SYT14: variants seen among roughly 807,000 people sequenced by gnomAD.
The protein encoded by SYT14 is synaptotagmin 14, also known as synaptotagmin-14.
In SYT14, 32 loss-of-function variants were observed where a neutral mutation model predicts 74.2. The observed-to-expected ratio is 0.43, with a 90% CI of 0.33 to 0.58. The LOEUF (loss-of-function observed/expected upper bound fraction) is 0.58, where lower values mean the gene tolerates loss of function less well. Among genes scored for constraint, SYT14 ranks in the 20% least tolerant of loss-of-function variants. The pLI, the probability that SYT14 is intolerant of heterozygous loss-of-function variation, is 0.05. For synonymous variants in SYT14, 298 were observed against 337.7 expected (o/e 0.88, Z 1.29); for missense variants, 791 against 981.8 (o/e 0.81, Z 2.60).
intron 2 of SYT14, among the ~76,000 whole-genome samples, chr1:209,997,949 T>G (rs2079827738): frequency 6.6e-6 from 1 of 152,180 alleles, no homozygotes; most frequent in African/African-American, 2.4e-5. Context: ...TCTTGAAGAT[T>G]TATAATGTTC....
At chr1:209,975,698 T>C (rs534630281) in intron 2 of SYT14, among the ~76,000 whole-genome samples, 1 of 152,346 alleles carries the variant, frequency 6.6e-6, no homozygotes, top group South Asian at 2.1e-4. Context: ...GGCTTTGGTA[T>C]CAGGATGATG....
intron 6 of SYT14, among the ~76,000 whole-genome samples, chr1:210,099,673 G>A (rs1336140113): frequency 6.6e-6 from 1 of 152,156 alleles, no homozygotes; most frequent in African/African-American, 2.4e-5. Context: ...AAAGTAAAAT[G>A]TAGTAGTTTT....
At chr1:209,970,118 C>T (rs1233509033) in intron 2 of SYT14, among the ~76,000 whole-genome samples, 1 of 152,042 alleles carries the variant, frequency 6.6e-6, no homozygotes, top group African/African-American at 2.4e-5. Context: ...CTTTGGGGGT[C>T]TCAGTCATGA....
At chr1:210,102,462 A>G (rs559753509) in intron 7 of SYT14, among the ~76,000 whole-genome samples, 4 of 151,956 alleles carry the variant, frequency 2.6e-5, no homozygotes, top group Non-Finnish European at 4.4e-5. Flanking sequence ...CTTCTGTGCT[A>G]TCAGTTGTTT....
exon 7 of SYT14, chr1:210,100,056 T>C: frequency 1.9e-6 from 3 of 1,614,130 alleles, no homozygotes; most frequent in Non-Finnish European, 2.5e-6. Context: ...CTAAACCTTT[T>C]GATCCTGAGC....
rs72649943 is a variant in SYT14, at chr1:210,052,385, T to C, written c.1312+31131T>C. The stretch of plus-strand genomic sequence containing the variant: ...ACAGGTCCCCGCCACTCTCCAGACC[T>C]GGCGCAGTGGTTCACGCCTGTAATC... On this transcript the variant is annotated intron_variant, in intron 5 of 9. Coordinates refer to ENST00000637265, the Ensembl canonical transcript of SYT14. 0.015 allele frequency among the ~76,000 whole-genome samples: 2,351 copies of C among 151,932 alleles called. 185 individuals carry two copies. In the East Asian group the frequency reaches 0.25, roughly 16 times the overall value.
At chr1:210,163,339 T>A (rs1474014661) in exon 10 of SYT14, 1 of 453,674 alleles carries the variant, frequency 2.2e-6, no homozygotes, top group Non-Finnish European at 4.4e-6. Flanking sequence ...AAGTATCAAA[T>A]CCTTCATGGC....
At chr1:210,076,808 G>C (rs1572258401) in intron 5 of SYT14, among the ~76,000 whole-genome samples, 1 of 152,152 alleles carries the variant, frequency 6.6e-6, no homozygotes, top group East Asian at 1.9e-4. Flanking sequence ...CACGAGAACA[G>C]CACCAAGGGG....
chr1:210,104,857 A>G (rs1425993566), intron 7 of SYT14, among the ~76,000 whole-genome samples: 1 of 152,208 alleles, frequency 6.6e-6, no homozygotes, highest in Non-Finnish European at 1.5e-5. Context: ...TTCTCAGAAT[A>G]TAGGAGTCTT....
At chr1:209,971,954 C>A (rs1359685017) in intron 2 of SYT14, among the ~76,000 whole-genome samples, 1 of 152,022 alleles carries the variant, frequency 6.6e-6, no homozygotes, top group Non-Finnish European at 1.5e-5. Context: ...ACATTCAGTA[C>A]GATTGGCACC....
intron 7 of SYT14, among the ~76,000 whole-genome samples, chr1:210,104,596 C>T (rs2082125958): frequency 6.6e-6 from 1 of 152,138 alleles, no homozygotes; most frequent in African/African-American, 2.4e-5. Context: ...TTAATTTCTT[C>T]ACTTGCATTT....
At position 210,012,770 on chromosome 1, in the gene SYT14, C is replaced by T. The variant is rs193111654; in HGVS notation, c.-485-863C>T. ...AGGCTGGAGTGCAGTGGCGCGATCT[C>T]GGCTCACTGCAACCTCTGCCTCTCA... On this transcript the variant is annotated intron_variant, in intron 2 of 9. Coordinates refer to ENST00000637265, the Ensembl canonical transcript of SYT14. Among the ~76,000 whole-genome samples, 1,128 of 151,052 alleles carry T rather than the reference C, an allele frequency of 7.5e-3. 17 individuals carry two copies. Among genetic ancestry groups the T allele is most frequent in the African/African-American group, 0.026 (1,074 of 41,114 alleles).
At chr1:210,055,296 T>G (rs937855260) in intron 5 of SYT14, among the ~76,000 whole-genome samples, 2 of 152,196 alleles carry the variant, frequency 1.3e-5, no homozygotes, top group Admixed American at 6.5e-5. Flanking sequence ...ATACTGCATG[T>G]CTTGGGATAT....
chr1:210,071,737 G>C (rs1242600865), intron 5 of SYT14, among the ~76,000 whole-genome samples: 1 of 151,032 alleles, frequency 6.6e-6, no homozygotes, highest in African/African-American at 2.4e-5. Context: ...GAAAGTAGGG[G>C]TAGAATGAGA....
chr1:210,038,442 G>T (rs908340305), intron 5 of SYT14, among the ~76,000 whole-genome samples: 1 of 151,982 alleles, frequency 6.6e-6, no homozygotes, highest in Non-Finnish European at 1.5e-5. Flanking sequence ...GATATGTAGG[G>T]TTTCTTCTTG....
At chr1:209,969,569 C>CA (rs1401336652) in intron 2 of SYT14, among the ~76,000 whole-genome samples, 1 of 147,778 alleles carries the variant, frequency 6.8e-6, no homozygotes, top group Non-Finnish European at 1.5e-5. Context: ...CTCACTGCAA[C>CA]CTCTGCCTCC....
At chr1:210,152,742 G>A (rs1429231855) in intron 7 of SYT14, among the ~76,000 whole-genome samples, 1 of 152,018 alleles carries the variant, frequency 6.6e-6, no homozygotes, top group African/African-American at 2.4e-5. Flanking sequence ...CACCTCCAGA[G>A]TTAACTACAA....
At chr1:210,165,159 T>C (rs2083442476) in exon 10 of SYT14, 1 of 152,156 alleles carries the variant, frequency 6.6e-6, no homozygotes, top group African/African-American at 2.4e-5. Context: ...GTAGTAGAAC[T>C]GGGATTGGAA....
At chr1:210,168,876 A>G (rs1197775775) in exon 10 of SYT14, 2 of 152,274 alleles carry the variant, frequency 1.3e-5, no homozygotes, top group Non-Finnish European at 2.9e-5. Context: ...ATAAGCACCA[A>G]TAGGAGAAAA....
Sources: gnomAD v4.1 joint callset for allele counts (sites outside exome capture counted in the v4.1 genomes callset) on GRCh38, gnomAD v4.1.1 for gene constraint, MANE v1.5 for transcripts, NCBI Gene and HGNC (gene_info 2026-07-23, HGNC 2026-07-21) for gene names.